The following CFAP54 variants were observed in gnomAD, a reference collection of about 807,000 sequenced individuals.
The protein encoded by CFAP54 is cilia and flagella associated protein 54.
A neutral mutation model predicts 370.4 loss-of-function variants in CFAP54; 290 were observed. The observed-to-expected ratio is 0.78, with a 90% CI of 0.71 to 0.86. The LOEUF is 0.86. Ranked by LOEUF, CFAP54 falls within the 40% of genes least tolerant of loss-of-function variation. The probability of loss-of-function intolerance (pLI) is 0.00; values close to 1 mark genes in which losing one functional copy is unlikely to be tolerated. For missense variants in CFAP54, 3,399 were observed against 3,528.7 expected (o/e 0.96, Z 0.93); for synonymous variants, 1,206 against 1,236.5 (o/e 0.98, Z 0.52).
At chr12:96,761,437 A>G (rs4099092) in intron 58 of CFAP54, among the ~76,000 whole-genome samples, 55,162 of 151,868 alleles carry the variant, frequency 0.36, 10,737 homozygotes, top group East Asian at 0.58. Flanking sequence ...TTGTCCTTTC[A>G]TATTGTTAGT....
intron 14 of CFAP54, among the ~76,000 whole-genome samples, chr12:96,546,360 G>GT (rs1239888861): frequency 6.6e-6 from 1 of 152,002 alleles, no homozygotes; most frequent in African/African-American, 2.4e-5. Flanking sequence ...AAAATAGTTT[G>GT]TTTTTTTCTC....
intron 19 of CFAP54, among the ~76,000 whole-genome samples, chr12:96,567,578 A>G (rs946271633): frequency 6.6e-6 from 1 of 151,974 alleles, no homozygotes; most frequent in East Asian, 1.9e-4. Context: ...GCTGTTTGCT[A>G]TTGTCTAGTG....
Position 96,743,749 on chromosome 12 carries a change from G to T in CFAP54, c.7396G>T (p.Glu2466Ter), listed in dbSNP as rs2136643933. 1 of 1,606,038 alleles carries T rather than the reference G, an allele frequency of 6.2e-7. No individual in the cohort carries two copies. The highest frequency in any genetic ancestry group is 2.2e-5 in the East Asian group (1 of 44,808). The change falls in exon 54 of 68, where the codon GAA becomes TAA. Residue 2466 changes from glutamate to a stop codon, truncating the protein, a stop_gained. Transcript: ENST00000524981. LOFTEE classifies it high-confidence loss of function. The part of the protein sequence containing the change: ...TNLQDIIHLL[E>*]GNEFISPQSR... ...TTAATAGGATATAATACATTTGCTG[G>T]AAGGAAATGAATTTATTTCTCCTCA...
At chr12:96,634,457 G>C (rs1000381392) in intron 32 of CFAP54, among the ~76,000 whole-genome samples, 1 of 151,774 alleles carries the variant, frequency 6.6e-6, no homozygotes, top group African/African-American at 2.4e-5. Context: ...TTATTTTTCT[G>C]TTGAATTTTG....
intron 17 of CFAP54, among the ~76,000 whole-genome samples, chr12:96,557,535 C>G (rs1955766208): frequency 6.6e-6 from 1 of 151,940 alleles, no homozygotes; most frequent in African/African-American, 2.4e-5. Flanking sequence ...GGAAACAACC[C>G]AAGTGTCCAT....
intron 39 of CFAP54, among the ~76,000 whole-genome samples, chr12:96,678,941 G>A (rs10860064): frequency 0.16 from 23,658 of 152,112 alleles, 2,334 homozygotes; most frequent in East Asian, 0.48. Context: ...TTTGTTTTCA[G>A]TCCTGCAAAC....
intron 30 of CFAP54, among the ~76,000 whole-genome samples, chr12:96,627,858 G>A (rs1346755739): frequency 6.6e-6 from 1 of 152,194 alleles, no homozygotes; most frequent in Non-Finnish European, 1.5e-5. Flanking sequence ...TACTTTCAGT[G>A]TACAGGCAAA....
At chr12:96,492,322 C>T (rs1258302205) in intron 1 of CFAP54, among the ~76,000 whole-genome samples, 3 of 152,204 alleles carry the variant, frequency 2.0e-5, no homozygotes, top group South Asian at 2.1e-4. Context: ...TTTCTGAGCT[C>T]AGCTCATCCC....
chr12:96,540,799 A>G (rs1269559653), intron 13 of CFAP54, 38 bp from the exon 14 acceptor site: 1 of 1,303,508 alleles, frequency 7.7e-7, no homozygotes, highest in Non-Finnish European at 1.0e-6. Context: ...AGTTTCATAT[A>G]CTTTTAATTA....
chr12:96,744,604 G>A (rs1327208868), intron 55 of CFAP54, among the ~76,000 whole-genome samples: 1 of 152,168 alleles, frequency 6.6e-6, no homozygotes, highest in African/African-American at 2.4e-5. Context: ...AATGCATTAT[G>A]TATTTTATAA....
At chr12:96,848,276 T>C (rs916301429) in intron 66 of CFAP54, among the ~76,000 whole-genome samples, 27 of 152,140 alleles carry the variant, frequency 1.8e-4, no homozygotes, top group Middle Eastern at 6.8e-3. Flanking sequence ...GGTTTCACCA[T>C]GTTGGCCAGA....
intron 50 of CFAP54, among the ~76,000 whole-genome samples, chr12:96,738,905 C>T (rs895670846): frequency 1.3e-5 from 2 of 152,180 alleles, no homozygotes; most frequent in Admixed American, 6.5e-5. Flanking sequence ...CCACTGCACC[C>T]GGCCCAAATC....
At chr12:96,500,706 A>T (rs1224452986) in intron 1 of CFAP54, 128 bp from the exon 2 acceptor site, 1 of 531,830 alleles carries the variant, frequency 1.9e-6, no homozygotes, top group African/African-American at 1.9e-5. Flanking sequence ...ATTATTAATA[A>T]TTGGACATTA....
chr12:96,657,821 A>C, intron 36 of CFAP54, 61 bp from the exon 37 acceptor site: 2 of 1,189,530 alleles, frequency 1.7e-6, no homozygotes, highest in Non-Finnish European at 2.4e-6. Flanking sequence ...TTCAGTTTTC[A>C]GAAAAAATAT....
At chr12:96,803,127 G>A (rs565249953) in intron 63 of CFAP54, among the ~76,000 whole-genome samples, 17 of 152,228 alleles carry the variant, frequency 1.1e-4, no homozygotes, top group South Asian at 2.1e-4. Flanking sequence ...AAATAGTGCC[G>A]CAATAAACAC....
At chr12:96,766,022 C>T (rs1247915962) in intron 60 of CFAP54, among the ~76,000 whole-genome samples, 1 of 152,140 alleles carries the variant, frequency 6.6e-6, no homozygotes, top group Admixed American at 6.5e-5. Context: ...CTAACATCCA[C>T]CTCTAATTTT....
At chr12:96,531,153 T>C (rs2136378171) in intron 9 of CFAP54, among the ~76,000 whole-genome samples, 1 of 152,308 alleles carries the variant, frequency 6.6e-6, no homozygotes, top group East Asian at 1.9e-4. Context: ...CATTGCTTCT[T>C]TCTAAATTCA....
At chr12:96,674,781 GT>G (rs1279157849) in intron 39 of CFAP54, among the ~76,000 whole-genome samples, 1 of 152,068 alleles carries the variant, frequency 6.6e-6, no homozygotes, top group African/African-American at 2.4e-5. Context: ...TGTCTGTTTT[GT>G]TCACTTGTGT....
chr12:96,729,324 G>A (rs1410037952), intron 50 of CFAP54, among the ~76,000 whole-genome samples: 1 of 152,216 alleles, frequency 6.6e-6, no homozygotes, highest in African/African-American at 2.4e-5. Context: ...GAGCTGTGGT[G>A]GGCTCCACCC....
Sources: gnomAD v4.1 joint callset for allele counts (sites outside exome capture counted in the v4.1 genomes callset) on GRCh38, gnomAD v4.1.1 for gene constraint, MANE v1.5 for transcripts, NCBI Gene and HGNC (gene_info 2026-07-23, HGNC 2026-07-21) for gene names.